The following ANO4 variants were observed in gnomAD, a reference collection of about 807,000 sequenced individuals.
ANO4 encodes anoctamin-4.
ANO4 carries 69 observed loss-of-function variants against 141.9 expected under a neutral mutation model. The observed-to-expected ratio is 0.49, with a 90% CI of 0.40 to 0.59. The LOEUF is 0.59. ANO4 is among the 20% of genes least tolerant of loss of function. The pLI, the probability that ANO4 is intolerant of heterozygous loss-of-function variation, is 0.00. For missense variants in ANO4, 894 were observed against 1,162.2 expected, an observed-to-expected ratio of 0.77 and a Z score of 3.36; for synonymous variants, 350 against 394.3, an observed-to-expected ratio of 0.89 and a Z score of 1.33.
chr12:100,999,137 T>TAA (rs2045527097), intron 8 of ANO4, among the ~76,000 whole-genome samples: 1 of 152,210 alleles, frequency 6.6e-6, no homozygotes, highest in Admixed American at 6.5e-5. Context: ...ACTTAACTGT[T>TAA]TAAAACAACA....
intron 1 of ANO4, among the ~76,000 whole-genome samples, chr12:100,833,322 G>A (rs1291992154): frequency 6.6e-6 from 1 of 152,052 alleles, no homozygotes. Flanking sequence ...TGTATAAAAA[G>A]AGTAATATAC....
chr12:101,055,152 T>C (rs1278913500), intron 14 of ANO4, among the ~76,000 whole-genome samples: 1 of 152,244 alleles, frequency 6.6e-6, no homozygotes, highest in East Asian at 1.9e-4. Context: ...TTTGTTTTTG[T>C]AAATTTTCAT....
chr12:100,739,107 T>A (rs1309707888), intron 2 of ANO4, among the ~76,000 whole-genome samples: 2 of 146,098 alleles, frequency 1.4e-5, no homozygotes, highest in African/African-American at 4.9e-5. Context: ...TGTATATATA[T>A]AAAATCTTTA....
intron 8 of ANO4, among the ~76,000 whole-genome samples, chr12:101,000,412 G>A (rs1438639695): frequency 6.6e-6 from 1 of 152,112 alleles, no homozygotes; most frequent in Non-Finnish European, 1.5e-5. Flanking sequence ...GCCTTTTACT[G>A]TATTTTTGTT....
intron 9 of ANO4, among the ~76,000 whole-genome samples, chr12:101,026,928 T>A (rs903595309): frequency 1.3e-5 from 2 of 152,044 alleles, no homozygotes; most frequent in African/African-American, 4.8e-5. Flanking sequence ...TTCAAGAGAA[T>A]GAAAAGAAGG....
chr12:101,012,068 G>A (rs1158213224), intron 8 of ANO4, among the ~76,000 whole-genome samples: 2 of 152,082 alleles, frequency 1.3e-5, no homozygotes, highest in East Asian at 1.9e-4. Context: ...AAATGATACT[G>A]ATTTTGAGAA....
At chr12:101,119,274 A>G (rs1424460018) in intron 25 of ANO4, among the ~76,000 whole-genome samples, 1 of 152,122 alleles carries the variant, frequency 6.6e-6, no homozygotes, top group Non-Finnish European at 1.5e-5. Context: ...CCTGGGCAAC[A>G]TGGTAAAACC....
Position 100,935,337 on chromosome 12 carries a change from T to C in ANO4, c.161-3978T>C, listed in dbSNP as rs140253544. Among the ~76,000 whole-genome samples, 32 of 151,958 alleles carry C rather than the reference T, an allele frequency of 2.1e-4. No individual in the cohort carries two copies. In the East Asian group the frequency reaches 5.2e-3, roughly 25 times the overall value. ...ATTTTGTTGAAGGCCTTTTCTGCAT[T>C]TATTGAGATAATCATGTGTTTTTTG... is the stretch of plus-strand genomic sequence containing the variant. On this transcript the variant is annotated intron_variant, in intron 3 of 27. Transcript: ENST00000392977.
At chr12:101,104,204 C>G (rs2050319468) in intron 22 of ANO4, among the ~76,000 whole-genome samples, 1 of 151,898 alleles carries the variant, frequency 6.6e-6, no homozygotes, top group Non-Finnish European at 1.5e-5. Flanking sequence ...TTTTTCTCTA[C>G]TACACATTTG....
intron 5 of ANO4, among the ~76,000 whole-genome samples, chr12:100,960,353 C>G (rs1458837060): frequency 6.6e-6 from 1 of 152,044 alleles, no homozygotes; most frequent in Non-Finnish European, 1.5e-5. Flanking sequence ...TATAACCTAT[C>G]AGATTTCTCT....
chr12:100,920,672 A>G (rs1478911144), intron 2 of ANO4, among the ~76,000 whole-genome samples: 5 of 152,170 alleles, frequency 3.3e-5, no homozygotes, highest in Admixed American at 6.6e-5. Context: ...GTGCATCTGA[A>G]AAGTTCACTG....
chr12:100,922,404 A>G, intron 3 of ANO4, 74 bp downstream of exon 3: 1 of 971,016 alleles, frequency 1.0e-6, no homozygotes, highest in Non-Finnish European at 1.5e-6. Context: ...GTAATAAACT[A>G]GAAACCTTAG....
intron 1 of ANO4, among the ~76,000 whole-genome samples, chr12:100,868,811 T>C (rs2038890759): frequency 6.6e-6 from 1 of 152,218 alleles, no homozygotes; most frequent in African/African-American, 2.4e-5. Context: ...CAGGACCAGA[T>C]CATAAATATT....
At chr12:101,116,835 GGCT>G in intron 25 of ANO4, 37 bp downstream of exon 25, 1 of 1,613,380 alleles carries the variant, frequency 6.2e-7, no homozygotes, top group Non-Finnish European at 8.5e-7. Context: ...GCCTGAGCTG[GGCT>G]GGCTCCACCG....
intron 1 of ANO4, among the ~76,000 whole-genome samples, chr12:100,848,725 T>G (rs2037711577): frequency 6.6e-6 from 1 of 152,236 alleles, no homozygotes; most frequent in Non-Finnish European, 1.5e-5. Flanking sequence ...TGTAGGTTAC[T>G]GATTGCTCAA....
intron 3 of ANO4, among the ~76,000 whole-genome samples, chr12:100,935,726 TCA>T (rs2042260100): frequency 1.3e-5 from 2 of 152,326 alleles, no homozygotes; most frequent in South Asian, 2.1e-4. Flanking sequence ...GGTTCCTAGC[TCA>T]GCTCAGTGTC....
At chr12:100,878,335 T>G (rs1055116083) in intron 1 of ANO4, among the ~76,000 whole-genome samples, 2 of 152,218 alleles carry the variant, frequency 1.3e-5, no homozygotes, top group Admixed American at 6.5e-5. Context: ...TGAGATAGTA[T>G]ATGCACAATG....
chr12:100,952,986 C>T (rs1382309709), intron 5 of ANO4, among the ~76,000 whole-genome samples: 1 of 152,136 alleles, frequency 6.6e-6, no homozygotes, highest in African/African-American at 2.4e-5. Flanking sequence ...AAAAAATACC[C>T]ATTATACAAG....
At chr12:100,889,034 C>G (rs1428223894) in intron 1 of ANO4, among the ~76,000 whole-genome samples, 1 of 128,082 alleles carries the variant, frequency 7.8e-6, no homozygotes, top group Non-Finnish European at 1.6e-5. Context: ...TCCCCCCTCC[C>G]CCCACCCCAC....
Sources: gnomAD v4.1 joint callset for allele counts (sites outside exome capture counted in the v4.1 genomes callset) on GRCh38, gnomAD v4.1.1 for gene constraint, MANE v1.5 for transcripts, NCBI Gene and HGNC (gene_info 2026-07-23, HGNC 2026-07-21) for gene names.